The following PRPSAP1 variants were observed in gnomAD, a reference collection of about 807,000 sequenced individuals.
PRPSAP1 encodes phosphoribosyl pyrophosphate synthase-associated protein 1.
PRPSAP1 carries 31 observed loss-of-function variants against 39.4 expected under a neutral mutation model. That is an observed-to-expected ratio of 0.79 (90% CI 0.59 to 1.06). PRPSAP1 has a LOEUF of 1.06. PRPSAP1 is among the 50% of genes least tolerant of loss of function. The pLI is 0.00. For missense variants in PRPSAP1, 430 were observed against 511.6 expected (o/e 0.84, Z 1.54); for synonymous variants, 212 against 192.6 (o/e 1.10, Z -0.83).
At chr17:76,313,637 T>C in intron 8 of PRPSAP1, 184 bp downstream of exon 8, 1 of 606,462 alleles carries the variant, frequency 1.6e-6, no homozygotes, top group Non-Finnish European at 2.9e-6. Flanking sequence ...TATCTGTAGG[T>C]TATACTTTAA....
intron 3 of PRPSAP1, among the ~76,000 whole-genome samples, chr17:76,341,234 G>GTTTT (rs5822126): frequency 3.3e-5 from 4 of 119,970 alleles, no homozygotes; most frequent in Admixed American, 9.1e-5. Flanking sequence ...ACTTTTTTTT[G>GTTTT]TTTTTTTTTT....
chr17:76,332,535 T>C (rs1210925516), intron 3 of PRPSAP1, 100 bp from the exon 4 acceptor site: 4 of 1,355,100 alleles, frequency 3.0e-6, no homozygotes, highest in Non-Finnish European at 4.0e-6. Flanking sequence ...CAGATGGGTG[T>C]TGTGGGAATT....
In PRPSAP1 at chr17:76,340,924, G is replaced by A. The variant is rs555537230; in HGVS notation, c.290+3747C>T. Among the ~76,000 whole-genome samples the A allele has an allele frequency of 5.3e-5, 8 of 150,900 alleles. No homozygotes were observed. The East Asian group carries it at 5.9e-4, about 11-fold the overall frequency. ...TCTCAAAAAAAAAAAAAAGCGGGGG[G>A]TAGGGGGGGACTGTCTTTCACAAAA... On this transcript the variant is annotated intron_variant, in intron 3 of 9. Coordinates refer to ENST00000446526, the MANE Select transcript of PRPSAP1 (RefSeq NM_002766.3).
chr17:76,313,231 G>A, intron 8 of PRPSAP1: 1 of 470,268 alleles, frequency 2.1e-6, no homozygotes. Flanking sequence ...GCGCAGTCAA[G>A]CACCTGTGAC....
intron 2 of PRPSAP1, 43 bp downstream of exon 2, chr17:76,348,486 A>C: frequency 8.0e-7 from 1 of 1,250,772 alleles, no homozygotes; most frequent in Non-Finnish European, 1.0e-6. Flanking sequence ...AAAACTAAAT[A>C]AATAAAAAAT....
chr17:76,336,437 C>CAA lies in PRPSAP1; in HGVS notation c.291-4004_291-4003dup, dbSNP rs71161286. Among the ~76,000 whole-genome samples the CAA allele has an allele frequency of 9.7e-3, 1,290 of 132,572 alleles. 23 individuals carry two copies. The highest frequency in any genetic ancestry group is 0.014 in the Non-Finnish European group (918 of 63,888). The allele number at this position is 132,572 out of a possible 152,430, so 87.0% of individuals were successfully genotyped here. A position where few individuals can be genotyped will look rare whatever the true frequency, so the allele number is the denominator to read the frequency against. Reference sequence around the variant, plus strand: ...TGGGCTACAGAGCGAGAATCTTTCTCAAAAAAAAAAAAAGGCCAGGCACGG... The same window carrying CAA: ...TGGGCTACAGAGCGAGAATCTTTCTCAAAAAAAAAAAAAAAGGCCAGGCACGG... On this transcript the variant is annotated intron_variant, in intron 3 of 9. Coordinates refer to ENST00000446526, the MANE Select transcript of PRPSAP1 (RefSeq NM_002766.3).
intron 3 of PRPSAP1, among the ~76,000 whole-genome samples, chr17:76,332,753 C>A (rs944685239): frequency 5.3e-5 from 8 of 152,224 alleles, no homozygotes; most frequent in African/African-American, 1.9e-4. Flanking sequence ...AGTTACCCAA[C>A]ACCTGCTGGC....
chr17:76,347,258 G>A (rs992948379), intron 2 of PRPSAP1, among the ~76,000 whole-genome samples: 10 of 151,746 alleles, frequency 6.6e-5, no homozygotes, highest in Non-Finnish European at 8.8e-5. Flanking sequence ...AGGCCAAGAC[G>A]GGTGGATCAC....
At chr17:76,338,054 C>T (rs930764890) in intron 3 of PRPSAP1, among the ~76,000 whole-genome samples, 8 of 152,118 alleles carry the variant, frequency 5.3e-5, no homozygotes, top group East Asian at 1.9e-4. Context: ...CTCTGAGTAT[C>T]GCACAGTTCA....
At chr17:76,328,657 C>A (rs1299693700) in intron 7 of PRPSAP1, 60 bp downstream of exon 7, 48 of 1,564,570 alleles carry the variant, frequency 3.1e-5, no homozygotes, top group South Asian at 1.2e-4. Context: ...ACCAACAAAA[C>A]CAACAAAAAA....
chr17:76,328,173 G>GGA (rs892302356), intron 7 of PRPSAP1, among the ~76,000 whole-genome samples: 1 of 146,974 alleles, frequency 6.8e-6, no homozygotes, highest in African/African-American at 2.6e-5. Context: ...AGCAACAGGG[G>GGA]GAGATCCTTT....
chr17:76,320,798 T>TC (rs1555592912), intron 7 of PRPSAP1, among the ~76,000 whole-genome samples: 63 of 150,872 alleles, frequency 4.2e-4, no homozygotes, highest in Non-Finnish European at 6.5e-4. Context: ...TTTTTTTTTT[T>TC]AAAGACAGGG....
At chr17:76,343,954 T>TC (rs1388872862) in intron 3 of PRPSAP1, among the ~76,000 whole-genome samples, 16 of 149,992 alleles carry the variant, frequency 1.1e-4, no homozygotes, top group African/African-American at 3.7e-4. Context: ...AATGTATAAC[T>TC]TTTTTTTTTC....
chr17:76,349,669 G>A (rs886355859), intron 1 of PRPSAP1, among the ~76,000 whole-genome samples: 5 of 151,006 alleles, frequency 3.3e-5, no homozygotes, highest in Admixed American at 1.3e-4. Flanking sequence ...GCTGAGACAG[G>A]AGAATTGCCA....
At chr17:76,329,203 G>A (rs761220906) in intron 6 of PRPSAP1, among the ~76,000 whole-genome samples, 9 of 151,716 alleles carry the variant, frequency 5.9e-5, no homozygotes, top group East Asian at 1.9e-4. Flanking sequence ...CCCGAGTAGC[G>A]GGGACCACAG....
chr17:76,332,244 G>A lies in PRPSAP1; in HGVS notation c.463+19C>T. 1.2e-6 allele frequency: 2 copies of A among 1,610,694 alleles called. No homozygotes were observed. Among genetic ancestry groups the A allele is most frequent in the Non-Finnish European group, 8.5e-7 (1 of 1,178,008 alleles). On this transcript the variant is annotated intron_variant, in intron 4 of 9. Transcript: ENST00000446526. ...CTAAAGGATCATGCTGGAACCCCAG[G>A]GCCCCCGCGCACACTCACCTGCTTT...
At chr17:76,330,445 G>A (rs1187203716) in intron 5 of PRPSAP1, 106 bp downstream of exon 5, 1 of 814,468 alleles carries the variant, frequency 1.2e-6, no homozygotes, top group Non-Finnish European at 1.9e-6. Flanking sequence ...TGTGACTTAA[G>A]GGAGAGCTCA....
At chr17:76,327,075 C>T (rs187490294) in intron 7 of PRPSAP1, among the ~76,000 whole-genome samples, 4 of 152,236 alleles carry the variant, frequency 2.6e-5, no homozygotes, top group South Asian at 2.1e-4. Flanking sequence ...CGGCTTGGCA[C>T]GGTGGCTCAC....
chr17:76,348,341 C>T (rs1279696590), intron 2 of PRPSAP1, among the ~76,000 whole-genome samples, 188 bp downstream of exon 2: 5 of 151,448 alleles, frequency 3.3e-5, no homozygotes, highest in South Asian at 2.1e-4. Flanking sequence ...GGTGTGGTGG[C>T]GGGCGTCTGT....
Sources: allele counts gnomAD v4.1 joint callset (sites outside exome capture counted in the v4.1 genomes callset), GRCh38; gene constraint gnomAD v4.1.1; transcripts MANE v1.5; gene names NCBI Gene and HGNC (gene_info 2026-07-23, HGNC 2026-07-21).